Variants in CSMD2 observed in about 807,000 individuals in gnomAD.
The protein encoded by CSMD2 is CUB and sushi domain-containing protein 2.
A neutral mutation model predicts 398.5 loss-of-function variants in CSMD2; 130 were observed. That is an observed-to-expected ratio of 0.33 (90% CI 0.28 to 0.38). The LOEUF is 0.38. Ranked by LOEUF, CSMD2 falls within the 10% of genes least tolerant of loss-of-function variation. The pLI is 1.00. For synonymous variants in CSMD2, 1,828 were observed against 1,908.5 expected (o/e 0.96, Z 1.10); for missense variants, 3,829 against 4,764.9 (o/e 0.80, Z 5.78).
At chr1:34,108,512 C>G (rs901675328) in intron 1 of CSMD2, among the ~76,000 whole-genome samples, 2 of 152,188 alleles carry the variant, frequency 1.3e-5, no homozygotes, top group African/African-American at 4.8e-5. Flanking sequence ...GTAGCCCTGT[C>G]CATGGTCCGG....
rs980000878 is a variant in CSMD2 at position 33,607,449 on chromosome 1, C to T, written c.6344-1979G>A. Among the ~76,000 whole-genome samples the T allele has an allele frequency of 1.2e-4, 19 of 152,140 alleles. 1 individual carries two copies. Among genetic ancestry groups the T allele is most frequent in the Admixed American group, 1.1e-3 (17 of 15,284 alleles). ...CGTTCATTGAAGCTGGGTTTTTCCC[C>T]AGAGGAAAAACCTGGGGAGAGTGGT... On this transcript the variant is annotated intron_variant, in intron 41 of 70. Coordinates refer to ENST00000373381, the MANE Select transcript of CSMD2 (RefSeq NM_001281956.2).
intron 2 of CSMD2, among the ~76,000 whole-genome samples, chr1:34,077,063 G>T (rs1358606790): frequency 6.6e-6 from 1 of 150,668 alleles, no homozygotes; most frequent in African/African-American, 2.4e-5. Flanking sequence ...GGAGAAAGGT[G>T]AGGTTAAAGG....
intron 13 of CSMD2, among the ~76,000 whole-genome samples, chr1:33,744,978 G>C (rs1340598122): frequency 6.6e-6 from 1 of 152,068 alleles, no homozygotes; most frequent in Non-Finnish European, 1.5e-5. Context: ...TAATTCAAAA[G>C]AAAAAGAGCC....
At chr1:33,623,493 G>A in intron 35 of CSMD2, 27 bp from the exon 36 acceptor site, 6 of 1,563,302 alleles carry the variant, frequency 3.8e-6, no homozygotes, top group Non-Finnish European at 4.4e-6. Context: ...GTGAATTGTT[G>A]GTTAGGCAGC....
intron 2 of CSMD2, among the ~76,000 whole-genome samples, chr1:34,059,462 C>T (rs971345391): frequency 1.3e-5 from 2 of 152,158 alleles, no homozygotes; most frequent in African/African-American, 4.8e-5. Context: ...AATTCTAGCA[C>T]CCTATTTCTT....
At chr1:33,916,797 G>T (rs1371833549) in intron 5 of CSMD2, among the ~76,000 whole-genome samples, 7 of 152,088 alleles carry the variant, frequency 4.6e-5, no homozygotes, top group African/African-American at 1.4e-4. Flanking sequence ...CTCCTACCAT[G>T]GGTTTGTCTG....
At chr1:34,055,948 C>G (rs907524421) in intron 2 of CSMD2, among the ~76,000 whole-genome samples, 4 of 152,180 alleles carry the variant, frequency 2.6e-5, no homozygotes, top group South Asian at 2.1e-4. Flanking sequence ...CAACAGTCAA[C>G]CCATTAGCAT....
At chr1:34,061,651 G>T (rs1270231451) in intron 2 of CSMD2, among the ~76,000 whole-genome samples, 8 of 152,166 alleles carry the variant, frequency 5.3e-5, no homozygotes, top group Non-Finnish European at 1.2e-4. Flanking sequence ...ACTTAAAAGG[G>T]TTAATATATG....
chr1:33,686,466 T>C lies in CSMD2; in HGVS notation c.4052+6464A>G, dbSNP rs80006357. 7.4e-3 allele frequency among the ~76,000 whole-genome samples: 1,123 copies of C among 152,300 alleles called. 9 individuals are homozygous for C. The highest frequency in any genetic ancestry group is 9.6e-3 in the Non-Finnish European group (655 of 68,016). On this transcript the variant is annotated intron_variant, in intron 25 of 70. Coordinates refer to ENST00000373381, the MANE Select transcript of CSMD2 (RefSeq NM_001281956.2). ...CACTTAGGAAGAAGCACTTGCCAGATGCTGTAGGTATTACCAGGGTTCAAG... is the reference window on the plus strand; with the variant it reads ...CACTTAGGAAGAAGCACTTGCCAGACGCTGTAGGTATTACCAGGGTTCAAG...
intron 44 of CSMD2, among the ~76,000 whole-genome samples, chr1:33,594,238 G>A (rs1047698920): frequency 1.3e-5 from 2 of 152,098 alleles, no homozygotes; most frequent in African/African-American, 4.8e-5. Context: ...CAGCCACCTG[G>A]AGTTACAGCC....
chr1:33,546,515 G>A (rs891522292), intron 56 of CSMD2, among the ~76,000 whole-genome samples: 1 of 152,250 alleles, frequency 6.6e-6, no homozygotes, highest in African/African-American at 2.4e-5. Context: ...CTGGCCACAG[G>A]TCCTCCTTCT....
chr1:33,958,831 G>A (rs893024951), intron 3 of CSMD2, among the ~76,000 whole-genome samples: 2 of 152,172 alleles, frequency 1.3e-5, no homozygotes, highest in African/African-American at 2.4e-5. Context: ...GAAACTGTGC[G>A]GTAGTAAATG....
intron 22 of CSMD2, among the ~76,000 whole-genome samples, chr1:33,703,500 T>C (rs1321526225): frequency 6.6e-6 from 1 of 152,248 alleles, no homozygotes; most frequent in Non-Finnish European, 1.5e-5. Flanking sequence ...GTGCAGGTGA[T>C]TGAGAAATCC....
At chr1:33,925,668 AC>A (rs1644102859) in intron 4 of CSMD2, among the ~76,000 whole-genome samples, 1 of 152,152 alleles carries the variant, frequency 6.6e-6, no homozygotes, top group Non-Finnish European at 1.5e-5. Flanking sequence ...CCAGAGTAAT[AC>A]GGGAAACCAT....
At chr1:33,759,486 C>G (rs11581587) in intron 13 of CSMD2, among the ~76,000 whole-genome samples, 1 of 151,604 alleles carries the variant, frequency 6.6e-6, no homozygotes, top group South Asian at 2.1e-4. Context: ...CCACCATGCC[C>G]GGCTAATTTT....
At chr1:33,606,466 G>A (rs1570919350) in intron 41 of CSMD2, among the ~76,000 whole-genome samples, 1 of 152,322 alleles carries the variant, frequency 6.6e-6, no homozygotes, top group East Asian at 1.9e-4. Flanking sequence ...TCAGGGGGAG[G>A]AACTGGGCAG....
intron 3 of CSMD2, among the ~76,000 whole-genome samples, chr1:33,982,556 G>A (rs775872689): frequency 2.6e-4 from 39 of 152,180 alleles, no homozygotes; most frequent in Admixed American, 3.9e-4. Flanking sequence ...GGCACTGTAC[G>A]TCCCCAGACT....
chr1:33,788,793 A>G, intron 11 of CSMD2, 81 bp from the exon 12 acceptor site: 1 of 952,856 alleles, frequency 1.0e-6, no homozygotes, highest in Non-Finnish European at 1.7e-6. Context: ...TGACATTTAA[A>G]GGACTATCCA....
intron 62 of CSMD2, among the ~76,000 whole-genome samples, chr1:33,534,622 G>A (rs1478333020): frequency 6.6e-6 from 1 of 152,076 alleles, no homozygotes; most frequent in Admixed American, 6.5e-5. Context: ...ACTGCAACTC[G>A]GATTATACTA....
Sources: allele counts gnomAD v4.1 joint callset (sites outside exome capture counted in the v4.1 genomes callset), GRCh38; gene constraint gnomAD v4.1.1; transcripts MANE v1.5; gene names NCBI Gene and HGNC (gene_info 2026-07-23, HGNC 2026-07-21).